CAMTA1: variants seen among roughly 807,000 people sequenced by gnomAD.
The protein encoded by CAMTA1 is calmodulin binding transcription activator 1.
CAMTA1 carries 27 observed loss-of-function variants against 170.9 expected under a neutral mutation model. The observed-to-expected ratio is 0.16, with a 90% confidence interval of 0.12 to 0.22. The LOEUF is 0.22. Ranked by LOEUF, CAMTA1 falls within the 10% of genes least tolerant of loss-of-function variation. The pLI, the probability that CAMTA1 is intolerant of heterozygous loss-of-function variation, is 1.00. For missense variants in CAMTA1, 1,619 were observed against 2,217.2 expected, an observed-to-expected ratio of 0.73 and a Z score of 5.42; for synonymous variants, 833 against 891.5, an observed-to-expected ratio of 0.93 and a Z score of 1.17.
In CAMTA1 at chr1:7,146,911, A is replaced by G. The variant is rs137880505; in HGVS notation, c.302+55540A>G. Among the ~76,000 whole-genome samples the G allele has an allele frequency of 3.7e-4, 56 of 152,048 alleles. No homozygotes were observed. The highest frequency in any genetic ancestry group is 1.4e-3 in the African/African-American group (56 of 41,464). ...ACATATGCCGTGCATACACATACAC[A>G]TCACACACTCAAATATACACCATGT... On this transcript the variant is annotated intron_variant, in intron 4 of 22. Transcript: ENST00000303635. This position sits in a 1 kb window ranked among gnomAD's most constrained non-coding sequence, Gnocchi z 4.3.
intron 6 of CAMTA1, among the ~76,000 whole-genome samples, chr1:7,636,680 G>A (rs182715866): frequency 1.4e-3 from 209 of 151,390 alleles, no homozygotes; most frequent in African/African-American, 4.9e-3. Context: ...TTGCACTCCA[G>A]CCTGGGCAAC....
chr1:7,387,865 G>C (rs915076513), intron 5 of CAMTA1, among the ~76,000 whole-genome samples: 1 of 152,156 alleles, frequency 6.6e-6, no homozygotes, highest in African/African-American at 2.4e-5. Context: ...TCTTTGCTTT[G>C]ATTGCTTTCC....
chr1:7,386,978 A>G (rs1452523535), intron 5 of CAMTA1, among the ~76,000 whole-genome samples: 3 of 151,900 alleles, frequency 2.0e-5, no homozygotes, highest in Non-Finnish European at 4.4e-5. Flanking sequence ...GGTCCCTCTT[A>G]TGTTCCTAAC....
intron 3 of CAMTA1, among the ~76,000 whole-genome samples, chr1:7,032,844 G>C: frequency 6.6e-6 from 1 of 151,912 alleles, no homozygotes; most frequent in Middle Eastern, 3.4e-3. Context: ...GATAGTTTTT[G>C]TTTTTTCTCT....
chr1:7,089,061 G>T (rs1174974378), intron 3 of CAMTA1, among the ~76,000 whole-genome samples: 1 of 152,182 alleles, frequency 6.6e-6, no homozygotes, highest in Non-Finnish European at 1.5e-5. Flanking sequence ...CTCTGACCTG[G>T]ACCATTTTGG....
At chr1:7,302,850 C>G (rs548937523) in intron 5 of CAMTA1, among the ~76,000 whole-genome samples, 5 of 152,266 alleles carry the variant, frequency 3.3e-5, no homozygotes, top group Admixed American at 2.6e-4. Flanking sequence ...CAGACCTGTG[C>G]GAGGCTGGCA....
At position 6,804,186 on chromosome 1, in the gene CAMTA1, T is replaced by TC. The variant is rs1441239562; in HGVS notation, c.46-15995_46-15994insC. Among the ~76,000 whole-genome samples, 25 of 148,796 alleles carry TC rather than the reference T, an allele frequency of 1.7e-4. 1 individual carries two copies. In the South Asian group the frequency reaches 5.3e-3, roughly 31 times the overall value. On this transcript the variant is annotated intron_variant, in intron 1 of 22. Coordinates refer to ENST00000303635, the MANE Select transcript of CAMTA1 (RefSeq NM_015215.4). ...GAAACGAGCGAAACTCTTTTTTTTT[T>TC]TTTTTTTTTTTGGTAAAGACAGGGT...
At chr1:7,386,944 T>C (rs1157029905) in intron 5 of CAMTA1, among the ~76,000 whole-genome samples, 1 of 152,184 alleles carries the variant, frequency 6.6e-6, no homozygotes, top group Non-Finnish European at 1.5e-5. Context: ...CTTGTTGCCA[T>C]GGTTTCCATG....
Position 7,265,511 on chromosome 1 carries a change from G to A in CAMTA1, c.438+15885G>A, listed in dbSNP as rs368067847. 5.3e-3 allele frequency among the ~76,000 whole-genome samples: 798 copies of A among 151,906 alleles called. 4 individuals carry two copies. Among genetic ancestry groups the A allele is most frequent in the African/African-American group, 0.018 (739 of 41,416 alleles). ...GTATTTTTAGTAAAGACAGGGTTTC[G>A]CCATGTTGGCCAGGCTGGTCTCGAA... On this transcript the variant is annotated intron_variant, in intron 5 of 22. Coordinates refer to ENST00000303635, the MANE Select transcript of CAMTA1 (RefSeq NM_015215.4).
At chr1:7,284,171 CTTCTTCTTATTATTATTATTA>C (rs1243839768) in intron 5 of CAMTA1, among the ~76,000 whole-genome samples, 96 of 115,830 alleles carry the variant, frequency 8.3e-4, no homozygotes, top group African/African-American at 3.2e-3. Flanking sequence ...TCTTCTTCTT[CTTCTTCTTATTATTATTATTA>C]TTATTATTAT....
At chr1:7,231,559 G>A (rs1163912654) in intron 4 of CAMTA1, among the ~76,000 whole-genome samples, 1 of 152,142 alleles carries the variant, frequency 6.6e-6, no homozygotes, top group Non-Finnish European at 1.5e-5. Flanking sequence ...TTTTGGTGGA[G>A]GCGGGGTTTC....
chr1:6,912,004 C>A (rs1170070189), intron 3 of CAMTA1, among the ~76,000 whole-genome samples: 1 of 152,218 alleles, frequency 6.6e-6, no homozygotes, highest in Non-Finnish European at 1.5e-5. Context: ...TTTCCCTCCC[C>A]TTCCCTCTCC....
In CAMTA1 at chr1:7,387,135, C is replaced by G. The variant is rs560159921; in HGVS notation, c.439-80695C>G. 6.6e-5 allele frequency among the ~76,000 whole-genome samples: 10 copies of G among 152,244 alleles called. No homozygotes were observed. In the South Asian group the frequency reaches 1.9e-3, roughly 28 times the overall value. Reference sequence around the variant, plus strand: ...CCATTCCCATGGCTTCAGTCTCCCCCCTCCAACGGGAGACTTCTCTCCCAC... The same window carrying G: ...CCATTCCCATGGCTTCAGTCTCCCCGCTCCAACGGGAGACTTCTCTCCCAC... On this transcript the variant is annotated intron_variant, in intron 5 of 22. Coordinates refer to ENST00000303635, the MANE Select transcript of CAMTA1 (RefSeq NM_015215.4).
chr1:7,498,807 ATG>A (rs1244164368), intron 6 of CAMTA1, among the ~76,000 whole-genome samples: 1 of 145,582 alleles, frequency 6.9e-6, no homozygotes, highest in Non-Finnish European at 1.5e-5. Flanking sequence ...ATGTGTGTAC[ATG>A]TGTGTAGAGA....
rs1218553434 is a variant in CAMTA1, at chr1:6,992,856, G to C, written c.235-98448G>C. 1.3e-5 allele frequency among the ~76,000 whole-genome samples: 2 copies of C among 152,152 alleles called. 1 individual carries two copies. Among genetic ancestry groups the C allele is most frequent in the East Asian group, 3.8e-4 (2 of 5,198 alleles). ...GGATTACAATTTGGCATGATATTTGGGTGGAGACACAAATCCCAACCATGT... is the reference window on the plus strand; with the variant it reads ...GGATTACAATTTGGCATGATATTTGCGTGGAGACACAAATCCCAACCATGT... On this transcript the variant is annotated intron_variant, in intron 3 of 22. Transcript: ENST00000303635.
chr1:7,054,233 A>C (rs988556661), intron 3 of CAMTA1, among the ~76,000 whole-genome samples: 3 of 152,152 alleles, frequency 2.0e-5, no homozygotes, highest in African/African-American at 7.2e-5. Context: ...CTGCTGGCCC[A>C]TGGACAACTC....
intron 6 of CAMTA1, among the ~76,000 whole-genome samples, chr1:7,551,577 C>G (rs1341605774): frequency 6.6e-6 from 1 of 152,220 alleles, no homozygotes; most frequent in Non-Finnish European, 1.5e-5. Flanking sequence ...GCAGCCCCCT[C>G]CCCTACTGGG....
At chr1:7,744,679 T>C (rs2096844696) in intron 16 of CAMTA1, among the ~76,000 whole-genome samples, 156 bp from the exon 17 acceptor site, 1 of 152,172 alleles carries the variant, frequency 6.6e-6, no homozygotes. Flanking sequence ...TGTTATGTTA[T>C]AACCTTAAAA....
chr1:6,945,787 A>T (rs143465690), intron 3 of CAMTA1, among the ~76,000 whole-genome samples: 1 of 152,222 alleles, frequency 6.6e-6, no homozygotes, highest in African/African-American at 2.4e-5. Context: ...TCTTTCACTT[A>T]TCATAATGTT....
Sources: gnomAD v4.1 joint callset for allele counts (sites outside exome capture counted in the v4.1 genomes callset) on GRCh38, gnomAD v4.1.1 for gene constraint, Gnocchi (gnomAD v3.1) non-coding constraint, MANE v1.5 for transcripts, NCBI Gene and HGNC (gene_info 2026-07-23, HGNC 2026-07-21) for gene names.